The following CIB4 variants were observed in gnomAD, a reference collection of about 807,000 sequenced individuals.
CIB4 encodes calcium and integrin-binding family member 4.
In CIB4, 25 loss-of-function variants were observed where a neutral mutation model predicts 25.8. The observed-to-expected ratio is 0.97, with a 90% CI of 0.71 to 1.35. The LOEUF (loss-of-function observed/expected upper bound fraction) is 1.35, where lower values mean the gene tolerates loss of function less well. Ranked by LOEUF, CIB4 falls within the 40% of genes most tolerant of loss-of-function variation. The pLI is 0.00. For missense variants in CIB4, 235 were observed against 228.2 expected, an observed-to-expected ratio of 1.03 and a Z score of -0.19; for synonymous variants, 75 against 81.4, an observed-to-expected ratio of 0.92 and a Z score of 0.42.
intron 1 of CIB4, 32 bp from the exon 2 acceptor site, chr2:26,640,599 A>G (rs1386083427): frequency 1.2e-6 from 2 of 1,606,688 alleles, no homozygotes; most frequent in South Asian, 1.1e-5. Context: ...CGACGTGTCC[A>G]CTCCATTCAT....
intron 2 of CIB4, 59 bp from the exon 3 acceptor site, chr2:26,629,565 C>T (rs1048159862): frequency 2.4e-5 from 29 of 1,221,696 alleles, no homozygotes; most frequent in Middle Eastern, 3.8e-4. Flanking sequence ...ACTGTGTGGC[C>T]GGGGAAAGGA....
chr2:26,581,881 G>C (rs1668352506), intron 6 of CIB4, among the ~76,000 whole-genome samples: 1 of 152,218 alleles, frequency 6.6e-6, no homozygotes, highest in Admixed American at 6.5e-5. Flanking sequence ...CTGTCTCTGG[G>C]GATTTGGAGT....
At chr2:26,588,371 G>A (rs1195798071) in intron 4 of CIB4, among the ~76,000 whole-genome samples, 1 of 152,240 alleles carries the variant, frequency 6.6e-6, no homozygotes, top group Non-Finnish European at 1.5e-5. Flanking sequence ...CCTGGGAGGG[G>A]CTGGGGGCTG....
At chr2:26,612,671 G>A (rs1669019240) in intron 3 of CIB4, among the ~76,000 whole-genome samples, 1 of 152,050 alleles carries the variant, frequency 6.6e-6, no homozygotes, top group Non-Finnish European at 1.5e-5. Context: ...TTTGCCCAGA[G>A]ACAGAGAGCA....
intron 2 of CIB4, among the ~76,000 whole-genome samples, chr2:26,635,345 C>G (rs1343579059): frequency 6.6e-6 from 1 of 152,196 alleles, no homozygotes; most frequent in East Asian, 1.9e-4. Context: ...GATCTGGTGA[C>G]CAGGCCTTTG....
intron 4 of CIB4, among the ~76,000 whole-genome samples, chr2:26,593,308 G>C (rs972381036): frequency 7.0e-6 from 1 of 142,052 alleles, no homozygotes; most frequent in African/African-American, 3.0e-5. Flanking sequence ...GTAGAGATAT[G>C]TGTGTGTGTG....
intron 3 of CIB4, among the ~76,000 whole-genome samples, chr2:26,604,652 A>C (rs564001036): frequency 2.0e-5 from 3 of 152,352 alleles, no homozygotes; most frequent in African/African-American, 7.2e-5. Flanking sequence ...ATCAGCAGTA[A>C]ACCAGAGCTA....
intron 4 of CIB4, among the ~76,000 whole-genome samples, chr2:26,585,690 C>T (rs1038169455): frequency 6.6e-6 from 1 of 152,116 alleles, no homozygotes; most frequent in Admixed American, 6.5e-5. Flanking sequence ...CCTCCTTAAT[C>T]TCATTTCAGC....
chr2:26,608,280 G>A (rs1446255896), intron 3 of CIB4, among the ~76,000 whole-genome samples: 2 of 151,846 alleles, frequency 1.3e-5, no homozygotes, highest in African/African-American at 2.4e-5. Flanking sequence ...TGGTGAGAAG[G>A]GGGTGAGAAG....
Position 26,623,007 on chromosome 2 carries a change from A to G in CIB4, c.186+6403T>C, listed in dbSNP as rs147797736. On this transcript the variant is annotated intron_variant, in intron 3 of 6. Transcript: ENST00000288861. ...CAAAAAAAATAAATAAGAATAAATAAATAAATAAATGATAAAAACTAAAAA... is the reference window on the plus strand; with the variant it reads ...CAAAAAAAATAAATAAGAATAAATAGATAAATAAATGATAAAAACTAAAAA... Among the ~76,000 whole-genome samples, 615 of 151,958 alleles carry G rather than the reference A, an allele frequency of 4.0e-3. 4 individuals carry two copies. Among genetic ancestry groups the G allele is most frequent in the African/African-American group, 0.014 (567 of 41,486 alleles).
intron 3 of CIB4, among the ~76,000 whole-genome samples, chr2:26,609,265 C>T (rs1193469742): frequency 6.6e-6 from 1 of 152,040 alleles, no homozygotes; most frequent in Non-Finnish European, 1.5e-5. Flanking sequence ...GAGAATGGGG[C>T]CCTTACAGGC....
chr2:26,633,560 C>A (rs1669475433), intron 2 of CIB4, among the ~76,000 whole-genome samples: 1 of 152,170 alleles, frequency 6.6e-6, no homozygotes, highest in South Asian at 2.1e-4. Context: ...GGAGTTGGTG[C>A]CTTCCCAGGC....
At chr2:26,602,931 T>A (rs1452819057) in intron 3 of CIB4, among the ~76,000 whole-genome samples, 1 of 152,096 alleles carries the variant, frequency 6.6e-6, no homozygotes. Flanking sequence ...GTTCTGTGCC[T>A]GTAGTCCTAG....
intron 2 of CIB4, among the ~76,000 whole-genome samples, chr2:26,632,763 AAAAAAAAAAG>A (rs897341935): frequency 6.6e-6 from 1 of 151,532 alleles, no homozygotes; most frequent in African/African-American, 2.4e-5. Flanking sequence ...ATCTCAAAAA[AAAAAAAAAAG>A]AAAAAGAAAG....
rs926230962 is a variant in CIB4, at chr2:26,618,713, C to T, written c.186+10697G>A. Among the ~76,000 whole-genome samples the T allele has an allele frequency of 4.6e-5, 7 of 152,298 alleles. No homozygotes were observed. In the South Asian group the frequency reaches 1.0e-3, roughly 23 times the overall value. ...GGGAAGGGTCTACGTGTGGGTACTCCGAGGGCCTGGTCCTAGCCTGACCGC... is the reference window on the plus strand; with the variant it reads ...GGGAAGGGTCTACGTGTGGGTACTCTGAGGGCCTGGTCCTAGCCTGACCGC... On this transcript the variant is annotated intron_variant, in intron 3 of 6. Transcript: ENST00000288861.
intron 2 of CIB4, among the ~76,000 whole-genome samples, chr2:26,634,103 G>C (rs1669486825): frequency 6.6e-6 from 1 of 152,130 alleles, no homozygotes; most frequent in South Asian, 2.1e-4. Flanking sequence ...CCCACCCCTT[G>C]AAGTTCTCAT....
At chr2:26,632,659 G>C (rs1265056882) in intron 2 of CIB4, among the ~76,000 whole-genome samples, 1 of 151,948 alleles carries the variant, frequency 6.6e-6, no homozygotes, top group Non-Finnish European at 1.5e-5. Context: ...TCCAGAGGCT[G>C]AGGCAGGAGA....
intron 3 of CIB4, among the ~76,000 whole-genome samples, chr2:26,620,484 G>T (rs75892255): frequency 6.6e-6 from 1 of 152,066 alleles, no homozygotes; most frequent in African/African-American, 2.4e-5. Flanking sequence ...CTTTCTCCAC[G>T]GGGGACGTCA....
intron 2 of CIB4, among the ~76,000 whole-genome samples, chr2:26,632,464 G>A (rs62129518): frequency 2.6e-5 from 4 of 152,124 alleles, no homozygotes; most frequent in Non-Finnish European, 4.4e-5. Flanking sequence ...GCCTACAAGG[G>A]GCGAGGGGTA....
Sources: allele counts gnomAD v4.1 joint callset (sites outside exome capture counted in the v4.1 genomes callset), GRCh38; gene constraint gnomAD v4.1.1; transcripts MANE v1.5; gene names NCBI Gene and HGNC (gene_info 2026-07-23, HGNC 2026-07-21).